CSMD1: variants seen among roughly 807,000 people sequenced by gnomAD.
CSMD1 encodes the protein CUB and Sushi multiple domains 1, also known as CUB and sushi domain-containing protein 1.
In CSMD1, 213 loss-of-function variants were observed where a neutral mutation model predicts 417.5. The observed-to-expected ratio is 0.51, with a 90% CI of 0.46 to 0.57. CSMD1 has a LOEUF of 0.57. CSMD1 is among the 20% of genes least tolerant of loss of function. The pLI is 0.00. For missense variants in CSMD1, 6,923 were observed against 4,529.7 expected, an observed-to-expected ratio of 1.53 and a Z score of -15.17; for synonymous variants, 2,862 against 1,736.8, an observed-to-expected ratio of 1.65 and a Z score of -16.11.
intron 3 of CSMD1, among the ~76,000 whole-genome samples, chr8:4,395,436 G>C (rs542475933): frequency 6.6e-6 from 1 of 151,798 alleles, no homozygotes; most frequent in African/African-American, 2.4e-5. Flanking sequence ...AACAAGAAAA[G>C]CAGTCTCTCA....
At chr8:3,189,161 T>C in intron 34 of CSMD1, 150 bp from the exon 35 acceptor site, 2 of 619,796 alleles carry the variant, frequency 3.2e-6, no homozygotes, top group South Asian at 6.4e-5. Context: ...AAGGTAAAAT[T>C]CAGTGTATTC....
At chr8:4,660,020 A>G (rs962684355) in intron 1 of CSMD1, among the ~76,000 whole-genome samples, 30 of 151,804 alleles carry the variant, frequency 2.0e-4, no homozygotes, top group Non-Finnish European at 3.4e-4. Flanking sequence ...AATTATACTT[A>G]ATAGTGAAAG....
At chr8:3,868,027 G>A (rs531015659) in intron 5 of CSMD1, among the ~76,000 whole-genome samples, 1 of 152,052 alleles carries the variant, frequency 6.6e-6, no homozygotes, top group African/African-American at 2.4e-5. Flanking sequence ...CTCCAATCCT[G>A]ATTTGGCCCT....
intron 51 of CSMD1, among the ~76,000 whole-genome samples, chr8:3,027,684 A>G (rs1200918219): frequency 1.3e-5 from 2 of 152,118 alleles, no homozygotes; most frequent in African/African-American, 4.8e-5. Flanking sequence ...ACACCTAGAC[A>G]TGTGATGATA....
chr8:3,934,648 G>T (rs148959064), intron 5 of CSMD1, among the ~76,000 whole-genome samples: 1 of 152,020 alleles, frequency 6.6e-6, no homozygotes, highest in South Asian at 2.1e-4. Flanking sequence ...CAGGTCAGGA[G>T]TTCGAGACCA....
intron 22 of CSMD1, among the ~76,000 whole-genome samples, chr8:3,344,632 T>C (rs996579131): frequency 6.6e-6 from 1 of 152,176 alleles, no homozygotes; most frequent in African/African-American, 2.4e-5. Context: ...AGAAAAATGG[T>C]ACCCTAACTA....
intron 3 of CSMD1, among the ~76,000 whole-genome samples, chr8:4,230,239 C>G (rs1454184036): frequency 1.3e-5 from 2 of 152,060 alleles, no homozygotes; most frequent in East Asian, 3.9e-4. Context: ...TTGTGTTGCT[C>G]TACAATAGAT....
intron 1 of CSMD1, among the ~76,000 whole-genome samples, chr8:4,903,188 G>C (rs1472461675): frequency 3.3e-5 from 5 of 152,044 alleles, no homozygotes; most frequent in Non-Finnish European, 7.4e-5. Context: ...AGGAACATTT[G>C]TTATTTAGTT....
At chr8:3,822,091 T>C (rs556625076) in intron 5 of CSMD1, among the ~76,000 whole-genome samples, 1 of 152,130 alleles carries the variant, frequency 6.6e-6, no homozygotes, top group Non-Finnish European at 1.5e-5. Context: ...AAATGTCCTA[T>C]GTTTTGTCTC....
At chr8:4,215,502 A>G (rs1281323011) in intron 3 of CSMD1, among the ~76,000 whole-genome samples, 1 of 4,940 alleles carries the variant, frequency 2.0e-4, no homozygotes, top group Non-Finnish European at 4.0e-4. Context: ...ATGAATACAT[A>G]GAGAGTTTTT....
At chr8:3,819,175 C>T (rs1249564195) in intron 5 of CSMD1, among the ~76,000 whole-genome samples, 1 of 152,108 alleles carries the variant, frequency 6.6e-6, no homozygotes, top group Non-Finnish European at 1.5e-5. Flanking sequence ...GATGAGTCTG[C>T]CCACAGTGAA....
chr8:3,523,199 G>T (rs925472112), intron 10 of CSMD1, among the ~76,000 whole-genome samples: 1 of 152,110 alleles, frequency 6.6e-6, no homozygotes, highest in African/African-American at 2.4e-5. Flanking sequence ...ATACAACTGT[G>T]TCCATAATTA....
At chr8:3,901,739 T>G (rs1485289018) in intron 5 of CSMD1, among the ~76,000 whole-genome samples, 1 of 152,256 alleles carries the variant, frequency 6.6e-6, no homozygotes, top group East Asian at 1.9e-4. Context: ...TATGTAGGCT[T>G]AACGCTTTTC....
intron 6 of CSMD1, among the ~76,000 whole-genome samples, chr8:3,745,747 G>A (rs201693497): frequency 4.6e-5 from 7 of 152,284 alleles, no homozygotes; most frequent in African/African-American, 1.4e-4. Flanking sequence ...CAACAGCTTC[G>A]CCATTCAATT....
chr8:3,942,483 G>C (rs1289390297), intron 5 of CSMD1, among the ~76,000 whole-genome samples: 3 of 152,058 alleles, frequency 2.0e-5, no homozygotes, highest in African/African-American at 7.2e-5. Context: ...ACAGATGCCT[G>C]GATGAGCAAT....
At chr8:3,293,288 C>G (rs572929865) in intron 25 of CSMD1, among the ~76,000 whole-genome samples, 1 of 152,248 alleles carries the variant, frequency 6.6e-6, no homozygotes, top group East Asian at 1.9e-4. Flanking sequence ...TTTGGTGAAT[C>G]TGACAATTAT....
chr8:4,548,061 A>T (rs1222606265), intron 2 of CSMD1, among the ~76,000 whole-genome samples: 1 of 152,140 alleles, frequency 6.6e-6, no homozygotes, highest in East Asian at 1.9e-4. Context: ...CAATATATTA[A>T]ATAAAAGGCA....
intron 5 of CSMD1, among the ~76,000 whole-genome samples, chr8:3,910,850 C>A (rs559187146): frequency 7.6e-4 from 115 of 152,266 alleles, no homozygotes; most frequent in African/African-American, 2.5e-3. Context: ...CTTATTTCTG[C>A]CTTCCTTGGA....
intron 62 of CSMD1, among the ~76,000 whole-genome samples, chr8:2,959,261 G>A (rs1419110801): frequency 1.3e-5 from 2 of 152,140 alleles, no homozygotes; most frequent in Non-Finnish European, 2.9e-5. Context: ...ACCTTACCAT[G>A]CCCAGATGAT....
Sources: allele counts gnomAD v4.1 joint callset (sites outside exome capture counted in the v4.1 genomes callset), GRCh38; gene constraint gnomAD v4.1.1; transcripts MANE v1.5; gene names NCBI Gene and HGNC (gene_info 2026-07-23, HGNC 2026-07-21).